CPQ: variants seen among roughly 807,000 people sequenced by gnomAD.
CPQ encodes Ser-Met dipeptidase.
In CPQ, 37 loss-of-function variants were observed where a neutral mutation model predicts 45.7. The observed-to-expected ratio is 0.81, with a 90% CI of 0.62 to 1.07. The LOEUF is 1.07. CPQ is among the 50% of genes least tolerant of loss of function. The pLI, the probability that CPQ is intolerant of heterozygous loss-of-function variation, is 0.00. For synonymous variants in CPQ, 186 were observed against 205.8 expected (o/e 0.90, Z 0.82); for missense variants, 537 against 572.9 (o/e 0.94, Z 0.64).
chr8:96,709,223 G>GT (rs1266341824), intron 1 of CPQ, among the ~76,000 whole-genome samples: 4 of 151,914 alleles, frequency 2.6e-5, no homozygotes, highest in Admixed American at 6.6e-5. Context: ...CCAATATGTG[G>GT]TTTTTTTAAT....
At chr8:96,650,103 A>C (rs1045738829) in intron 1 of CPQ, among the ~76,000 whole-genome samples, 8 of 152,248 alleles carry the variant, frequency 5.3e-5, no homozygotes, top group Admixed American at 4.6e-4. Flanking sequence ...TAATGGTAAG[A>C]TATCCCAAGC....
rs113854517 is a variant in CPQ, at chr8:96,830,261, A to G, written c.434-4712A>G. On this transcript the variant is annotated intron_variant, in intron 2 of 7. Transcript: ENST00000220763. ...AGACCATAGACACGTTTTTCTGTCT[A>G]TAAGTCTTTTTATTTTGATGGTAGA... Among the ~76,000 whole-genome samples, 322 of 152,308 alleles carry G rather than the reference A, an allele frequency of 2.1e-3. 2 individuals carry two copies. The highest frequency in any genetic ancestry group is 7.5e-3 in the African/African-American group (311 of 41,572).
At chr8:96,988,291 G>A (rs184421686) in intron 5 of CPQ, among the ~76,000 whole-genome samples, 114 of 152,080 alleles carry the variant, frequency 7.5e-4, no homozygotes, top group African/African-American at 2.6e-3. Flanking sequence ...TTAATAAATC[G>A]TATGCCTACT....
At chr8:96,798,707 A>AT (rs1203028913) in intron 2 of CPQ, among the ~76,000 whole-genome samples, 3 of 151,976 alleles carry the variant, frequency 2.0e-5, no homozygotes, top group South Asian at 2.1e-4. Context: ...TTAAAGACTC[A>AT]TTTTTTTCTT....
intron 5 of CPQ, among the ~76,000 whole-genome samples, chr8:97,019,297 A>G (rs914334346): frequency 7.9e-5 from 12 of 152,092 alleles, no homozygotes; most frequent in Non-Finnish European, 1.8e-4. Context: ...AAATCACACA[A>G]AAATACAATT....
intron 4 of CPQ, among the ~76,000 whole-genome samples, chr8:96,926,564 C>CTTCTTCT (rs1563530761): frequency 9.3e-5 from 6 of 64,274 alleles, no homozygotes; most frequent in African/African-American, 5.6e-4. Flanking sequence ...CTTCCTCTTC[C>CTTCTTCT]TCTTCCTCTT....
chr8:96,755,399 T>C (rs1810315823), intron 1 of CPQ, among the ~76,000 whole-genome samples: 1 of 151,818 alleles, frequency 6.6e-6, no homozygotes, highest in African/African-American at 2.4e-5. Flanking sequence ...TTCATTATTT[T>C]AAAATAGAAT....
intron 7 of CPQ, among the ~76,000 whole-genome samples, chr8:97,120,203 G>C (rs1007446229): frequency 2.6e-5 from 4 of 152,146 alleles, no homozygotes; most frequent in Middle Eastern, 3.2e-3. Flanking sequence ...GTGGCTGAAA[G>C]CAGCCACATA....
chr8:96,716,284 T>G (rs747057349), intron 1 of CPQ, among the ~76,000 whole-genome samples: 14 of 152,188 alleles, frequency 9.2e-5, no homozygotes, highest in Non-Finnish European at 2.1e-4. Flanking sequence ...TGTTGTTGTT[T>G]CCATGAGCAA....
At chr8:96,681,910 A>G (rs146323973) in intron 1 of CPQ, among the ~76,000 whole-genome samples, 43 of 152,294 alleles carry the variant, frequency 2.8e-4, no homozygotes, top group African/African-American at 8.9e-4. Flanking sequence ...TGGGGCCTGC[A>G]GCTTCTTTGT....
At chr8:96,991,589 A>G (rs1002163917) in intron 5 of CPQ, among the ~76,000 whole-genome samples, 3 of 122,578 alleles carry the variant, frequency 2.4e-5, no homozygotes, top group African/African-American at 9.4e-5. Flanking sequence ...TAATAATAAT[A>G]ATAATAATAA....
intron 1 of CPQ, among the ~76,000 whole-genome samples, chr8:96,753,142 A>G (rs1451648787): frequency 3.3e-5 from 5 of 152,194 alleles, no homozygotes; most frequent in African/African-American, 1.2e-4. Context: ...AGTTTTACAC[A>G]AACCGTTTAT....
chr8:96,664,087 A>C (rs1335477216), intron 1 of CPQ, among the ~76,000 whole-genome samples: 1 of 152,240 alleles, frequency 6.6e-6, no homozygotes, highest in Non-Finnish European at 1.5e-5. Context: ...ATGCAGCAAC[A>C]CTTGCCACAT....
chr8:96,928,605 C>T (rs1360248713), intron 4 of CPQ, among the ~76,000 whole-genome samples: 3 of 152,070 alleles, frequency 2.0e-5, no homozygotes, highest in Non-Finnish European at 4.4e-5. Flanking sequence ...AGCAGTTTAC[C>T]TCTGTACTCA....
intron 2 of CPQ, among the ~76,000 whole-genome samples, chr8:96,818,453 C>T (rs1414765123): frequency 1.3e-5 from 2 of 151,874 alleles, no homozygotes; most frequent in Non-Finnish European, 2.9e-5. Flanking sequence ...ATGAAGTGAA[C>T]AACTGCTCTT....
intron 1 of CPQ, among the ~76,000 whole-genome samples, chr8:96,711,869 A>G (rs1809612580): frequency 2.6e-5 from 4 of 152,100 alleles, no homozygotes; most frequent in Admixed American, 2.6e-4. Flanking sequence ...CAGTCCCCCA[A>G]AGTCTTAACT....
rs149454879 is a variant in CPQ, at chr8:97,028,632, C to T, written c.962-771C>T. On this transcript the variant is annotated intron_variant, in intron 5 of 7. Coordinates refer to ENST00000220763, the MANE Select transcript of CPQ (RefSeq NM_016134.4). ...CTCACCATTTTTTTAACTTCAGAAA[C>T]AGCTTCCTTGTAGGTAACTTTCACT... Among the ~76,000 whole-genome samples, 828 of 152,248 alleles carry T rather than the reference C, an allele frequency of 5.4e-3. 5 individuals are homozygous for T. Among genetic ancestry groups the T allele is most frequent in the African/African-American group, 0.019 (779 of 41,548 alleles).
At chr8:96,700,894 A>C (rs1391822643) in intron 1 of CPQ, among the ~76,000 whole-genome samples, 2 of 152,190 alleles carry the variant, frequency 1.3e-5, no homozygotes, top group Admixed American at 6.5e-5. Flanking sequence ...AGAGCTTTAT[A>C]CTAGCTATGA....
At chr8:96,646,105 T>C (rs1022548808) in intron 1 of CPQ, among the ~76,000 whole-genome samples, 1 of 151,266 alleles carries the variant, frequency 6.6e-6, no homozygotes, top group African/African-American at 2.4e-5. Context: ...GACGCAGGCT[T>C]ACAACTCCTG....
Sources: gnomAD v4.1 joint callset for allele counts (sites outside exome capture counted in the v4.1 genomes callset) on GRCh38, gnomAD v4.1.1 for gene constraint, MANE v1.5 for transcripts, NCBI Gene and HGNC (gene_info 2026-07-23, HGNC 2026-07-21) for gene names.